Variants in SLIT1 observed in about 807,000 individuals in gnomAD.
SLIT1 encodes slit homolog 1 protein.
Under a neutral mutation model 186.1 loss-of-function variants are expected in SLIT1, and 66 were observed. The ratio of observed to expected loss-of-function variants is 0.35; its 90% CI spans 0.29 to 0.44. The LOEUF is 0.44. Ranked by LOEUF, SLIT1 falls within the 20% of genes least tolerant of loss-of-function variation. The pLI, the probability that SLIT1 is intolerant of heterozygous loss-of-function variation, is 1.00. For missense variants in SLIT1, 1,638 were observed against 2,037.4 expected, an observed-to-expected ratio of 0.80 and a Z score of 3.77; for synonymous variants, 761 against 833.8, an observed-to-expected ratio of 0.91 and a Z score of 1.50.
intron 1 of SLIT1, among the ~76,000 whole-genome samples, chr10:97,166,623 G>GAGAAAAGAAAAGAAA (rs5787222): frequency 0.014 from 582 of 42,570 alleles, 11 homozygotes; most frequent in Middle Eastern, 0.02. Flanking sequence ...AAGAAAGAAA[G>GAGAAAAGAAAAGAAA]AGAAAAGAAA....
intron 10 of SLIT1, among the ~76,000 whole-genome samples, 185 bp downstream of exon 10, chr10:97,059,902 C>T (rs1848876138): frequency 6.6e-6 from 1 of 152,212 alleles, no homozygotes; most frequent in South Asian, 2.1e-4. Context: ...TCAGGCCTCA[C>T]GATAGCCCTG....
intron 4 of SLIT1, among the ~76,000 whole-genome samples, chr10:97,155,647 A>G (rs547809037): frequency 6.6e-6 from 1 of 152,348 alleles, no homozygotes; most frequent in South Asian, 2.1e-4. Flanking sequence ...ACTGTACAGT[A>G]TACATATGCC....
chr10:97,182,882 T>C (rs907696312), intron 1 of SLIT1, among the ~76,000 whole-genome samples: 3 of 151,852 alleles, frequency 2.0e-5, no homozygotes, highest in African/African-American at 7.3e-5. Context: ...TCCCAACACT[T>C]TGGGAGGCGG....
chr10:97,182,618 G>A (rs1457547852), intron 1 of SLIT1, among the ~76,000 whole-genome samples: 1 of 152,156 alleles, frequency 6.6e-6, no homozygotes, highest in Non-Finnish European at 1.5e-5. Flanking sequence ...CACTTCCCCA[G>A]GATAACTCAC....
Position 97,006,543 on chromosome 10 carries a change from C to G in SLIT1, c.3519G>C (p.Arg1173=). Residue 1173 remains arginine, a synonymous_variant, in exon 32 of 37, where the codon CGG becomes CGC. Transcript: ENST00000266058. The surrounding 1 kb of genome is among the most constrained non-coding windows in gnomAD (Gnocchi z 4.0). ...GGTCAGTGAACTGCAGGTAAGTGTC[C>G]CGATCCACAAAGTTGACACTGAGCA... ...EKLLSVNFVD[R]DTYLQFTDLQ... The G allele has an allele frequency of 6.2e-7, 1 of 1,614,186 alleles. No individual in the cohort carries two copies. The highest frequency in any genetic ancestry group is 8.5e-7 in the Non-Finnish European group (1 of 1,180,040).
intron 13 of SLIT1, among the ~76,000 whole-genome samples, chr10:97,049,862 T>C (rs10047379): frequency 0.12 from 18,717 of 152,260 alleles, 1,343 homozygotes; most frequent in African/African-American, 0.18. Flanking sequence ...AATACGGGGA[T>C]GGTGGCGGGG....
chr10:97,053,922 C>T (rs1392896732), intron 13 of SLIT1, among the ~76,000 whole-genome samples: 6 of 152,100 alleles, frequency 3.9e-5, no homozygotes, highest in Admixed American at 1.3e-4. Context: ...GTGTTGGAGG[C>T]GGGGCCTGAT....
chr10:97,099,612 G>A (rs550622991), intron 4 of SLIT1, among the ~76,000 whole-genome samples: 5 of 152,270 alleles, frequency 3.3e-5, no homozygotes, highest in East Asian at 1.9e-4. Flanking sequence ...GTGTACATAC[G>A]TGTGTGTCAG....
At chr10:97,005,306 C>T (rs775071884) in intron 32 of SLIT1, among the ~76,000 whole-genome samples, 3 of 152,208 alleles carry the variant, frequency 2.0e-5, no homozygotes, top group South Asian at 2.1e-4. Flanking sequence ...TAGTGTCTGT[C>T]GCTGGAACTG....
At chr10:97,013,938 C>A in intron 29 of SLIT1, 81 bp downstream of exon 29, 1 of 1,576,680 alleles carries the variant, frequency 6.3e-7, no homozygotes, top group Non-Finnish European at 8.6e-7. Context: ...GGCAGGGATC[C>A]CCTTCCACTC....
chr10:97,057,997 A>G, intron 11 of SLIT1: 1 of 717,496 alleles, frequency 1.4e-6, no homozygotes, highest in Non-Finnish European at 2.6e-6. Context: ...CTTCCTCTTC[A>G]AACATGGCTT....
intron 4 of SLIT1, among the ~76,000 whole-genome samples, chr10:97,128,861 C>T (rs377429486): frequency 2.6e-5 from 4 of 152,034 alleles, no homozygotes; most frequent in Non-Finnish European, 5.9e-5. Context: ...GCCTTCCGGC[C>T]GCAGAACAAG....
At chr10:97,038,599 C>T (rs570832187) in intron 21 of SLIT1, among the ~76,000 whole-genome samples, 10 of 152,166 alleles carry the variant, frequency 6.6e-5, no homozygotes, top group Non-Finnish European at 1.2e-4. Context: ...CCATTCATGC[C>T]TCCAGCCTGA....
chr10:97,119,985 C>T (rs1223756846), intron 4 of SLIT1, among the ~76,000 whole-genome samples: 1 of 133,208 alleles, frequency 7.5e-6, no homozygotes, highest in Non-Finnish European at 1.6e-5. Context: ...ATCCATTTAA[C>T]AAACATTTAT....
Position 97,001,191 on chromosome 10 carries a change from G to A in SLIT1, c.4526C>T (p.Thr1509Ile), listed in dbSNP as rs1337754110. 2 of 1,613,286 alleles carry A rather than the reference G, an allele frequency of 1.2e-6. No individual in the cohort carries two copies. The highest frequency in any genetic ancestry group is 1.1e-5 in the South Asian group (1 of 91,090). ...AGAGGTCCCATCGCTGCACTCAAAGGTGAACTTCCTCCGCTTCAGCCGAAG... is the reference window on the plus strand; with the variant it reads ...AGAGGTCCCATCGCTGCACTCAAAGATGAACTTCCTCCGCTTCAGCCGAAG... ...QGLRLKRRKFTFECSDGTSFA... is the reference protein window; with the variant it reads ...QGLRLKRRKFIFECSDGTSFA... The change falls in exon 37 of 37, where the codon ACC becomes ATC. Residue 1509 changes from threonine (T) to isoleucine (I), a missense_variant. This residue lies in a region of SLIT1 where 220 missense variants were observed against 211.3 expected (regional missense o/e 1.04). Transcript: ENST00000266058.
intron 10 of SLIT1, 29 bp from the exon 11 acceptor site, chr10:97,059,560 A>G (rs2817676): frequency 0.67 from 1,072,592 of 1,593,862 alleles, 367,130 homozygotes; most frequent in East Asian, 0.8. Flanking sequence ...GAGAGGGGGC[A>G]TCTGAATCCC....
At chr10:97,080,918 T>A (rs1019037202) in intron 4 of SLIT1, among the ~76,000 whole-genome samples, 7 of 152,240 alleles carry the variant, frequency 4.6e-5, no homozygotes, top group Non-Finnish European at 1.0e-4. Context: ...TATGGCCTGG[T>A]ACCTGATCTC....
At chr10:97,072,962 C>T (rs1441741707) in intron 4 of SLIT1, among the ~76,000 whole-genome samples, 1 of 152,192 alleles carries the variant, frequency 6.6e-6, no homozygotes, top group South Asian at 2.1e-4. Flanking sequence ...TCAAGAAATG[C>T]GGGCTGTTGT....
At chr10:97,110,579 A>G (rs1263978881) in intron 4 of SLIT1, among the ~76,000 whole-genome samples, 1 of 152,270 alleles carries the variant, frequency 6.6e-6, no homozygotes, top group Non-Finnish European at 1.5e-5. Flanking sequence ...AGGAATATAC[A>G]TAGTTTGGTT....
Sources: gnomAD v4.1 joint callset for allele counts (sites outside exome capture counted in the v4.1 genomes callset) on GRCh38, gnomAD v4.1.1 for gene constraint, gnomAD v4.1.1 regional missense constraint, Gnocchi (gnomAD v3.1) non-coding constraint, MANE v1.5 for transcripts, NCBI Gene and HGNC (gene_info 2026-07-23, HGNC 2026-07-21) for gene names.